Variants in SLC8A1 observed in about 807,000 individuals in gnomAD.
SLC8A1 encodes solute carrier family 8 member A1, also known as sodium/calcium exchanger 1.
A neutral mutation model predicts 68.3 loss-of-function variants in SLC8A1; 18 were observed. The observed-to-expected ratio is 0.26, with a 90% CI of 0.18 to 0.39. SLC8A1 has a LOEUF of 0.39. Among genes scored for constraint, SLC8A1 ranks in the 10% least tolerant of loss-of-function variants. The pLI is 1.00. For synonymous variants in SLC8A1, 475 were observed against 415.5 expected (o/e 1.14, Z -1.74); for missense variants, 985 against 1,156.7 (o/e 0.85, Z 2.15).
intron 2 of SLC8A1, among the ~76,000 whole-genome samples, chr2:40,375,855 AGCTGGG>A (rs1310494945): frequency 6.6e-6 from 1 of 152,036 alleles, no homozygotes; most frequent in African/African-American, 2.4e-5. Context: ...TACAAAAATT[AGCTGGG>A]CGCAGTGGTG....
At chr2:40,298,926 A>G (rs1319362832) in intron 2 of SLC8A1, among the ~76,000 whole-genome samples, 1 of 151,990 alleles carries the variant, frequency 6.6e-6, no homozygotes, top group Non-Finnish European at 1.5e-5. Flanking sequence ...CTCCTTGCTG[A>G]CCCCACCCCT....
intron 2 of SLC8A1, among the ~76,000 whole-genome samples, chr2:40,226,789 T>C (rs1324647966): frequency 6.6e-6 from 1 of 152,196 alleles, no homozygotes; most frequent in Non-Finnish European, 1.5e-5. Context: ...TGGTAGCTTT[T>C]AGTATAATCC....
At chr2:40,155,123 A>ATTAT (rs1424765926) in intron 6 of SLC8A1, among the ~76,000 whole-genome samples, 1 of 114,582 alleles carries the variant, frequency 8.7e-6, no homozygotes, top group Non-Finnish European at 1.8e-5. Context: ...ACACAGCAGA[A>ATTAT]TTATTATTAT....
chr2:40,396,545 C>T lies in SLC8A1; in HGVS notation c.1808+31928G>A, dbSNP rs147895748. On this transcript the variant is annotated intron_variant, in intron 2 of 7. Coordinates refer to ENST00000406785, the Ensembl canonical transcript of SLC8A1. ...AACAAGACTGCATCAAAGCATAACA[C>T]GCAACACAACACTTTTTCAATTATG... Among the ~76,000 whole-genome samples, 10 of 151,858 alleles carry T rather than the reference C, an allele frequency of 6.6e-5. No homozygotes were observed. In the East Asian group the frequency reaches 9.7e-4, roughly 15 times the overall value.
chr2:40,165,046 TCCTGCC>T, intron 4 of SLC8A1, 62 bp from the exon 8 acceptor site: 2 of 1,602,138 alleles, frequency 1.2e-6, no homozygotes, highest in Non-Finnish European at 1.7e-6. Context: ...AATCCCTGGA[TCCTGCC>T]ATAAGAAAGC....
chr2:40,367,249 G>T, intron 2 of SLC8A1, among the ~76,000 whole-genome samples: 1 of 151,882 alleles, frequency 6.6e-6, no homozygotes, highest in Non-Finnish European at 1.5e-5. Context: ...GCTTCCATTT[G>T]TCTCCTAGAC....
intron 2 of SLC8A1, among the ~76,000 whole-genome samples, chr2:40,364,020 T>C (rs113097563): frequency 3.3e-5 from 5 of 152,084 alleles, no homozygotes; most frequent in African/African-American, 1.2e-4. Context: ...TGGATGTTTT[T>C]TCACCATGTT....
At chr2:40,313,257 T>C (rs573282974) in intron 2 of SLC8A1, among the ~76,000 whole-genome samples, 6 of 152,230 alleles carry the variant, frequency 3.9e-5, no homozygotes, top group Admixed American at 3.3e-4. Flanking sequence ...GTCATCCATG[T>C]TGTGTGATAT....
chr2:40,314,229 T>C (rs1293647908), intron 2 of SLC8A1, among the ~76,000 whole-genome samples: 7 of 152,068 alleles, frequency 4.6e-5, no homozygotes, highest in Admixed American at 1.3e-4. Context: ...ATATACAATA[T>C]TTCGGGAAGC....
At chr2:40,481,432 T>C (rs1209521880) in intron 1 of SLC8A1, among the ~76,000 whole-genome samples, 2 of 152,230 alleles carry the variant, frequency 1.3e-5, no homozygotes, top group East Asian at 3.9e-4. Flanking sequence ...TTATTTAGTC[T>C]GCTTGATCTT....
intron 7 of SLC8A1, among the ~76,000 whole-genome samples, chr2:40,121,782 C>T (rs1304744137): frequency 2.6e-5 from 4 of 152,126 alleles, no homozygotes; most frequent in Non-Finnish European, 5.9e-5. Context: ...TGACTATTGC[C>T]AATGATTCTA....
intron 1 of SLC8A1, among the ~76,000 whole-genome samples, chr2:40,481,581 G>A (rs901391327): frequency 3.3e-5 from 5 of 152,110 alleles, no homozygotes; most frequent in Non-Finnish European, 7.3e-5. Context: ...ACCATAGTTC[G>A]ATCTGGCTAA....
At chr2:40,312,332 C>A (rs764570657) in intron 2 of SLC8A1, among the ~76,000 whole-genome samples, 1 of 152,044 alleles carries the variant, frequency 6.6e-6, no homozygotes. Flanking sequence ...CCAGGGTCAT[C>A]GTGATGCGCA....
chr2:40,184,485 G>C (rs897557001), intron 2 of SLC8A1, among the ~76,000 whole-genome samples: 1 of 152,070 alleles, frequency 6.6e-6, no homozygotes, highest in African/African-American at 2.4e-5. Flanking sequence ...TAATAGTATA[G>C]GTGAGAAAAC....
intron 2 of SLC8A1, among the ~76,000 whole-genome samples, chr2:40,185,503 T>C (rs2050534167): frequency 6.6e-6 from 1 of 152,094 alleles, no homozygotes; most frequent in Non-Finnish European, 1.5e-5. Flanking sequence ...TGGCTACATG[T>C]TGTGTGATTA....
intron 2 of SLC8A1, among the ~76,000 whole-genome samples, chr2:40,283,737 C>T (rs2149198157): frequency 6.6e-6 from 1 of 152,294 alleles, no homozygotes; most frequent in South Asian, 2.1e-4. Context: ...ACAACTCATT[C>T]TCTAGAAGAA....
chr2:40,262,822 G>C (rs1010953247), intron 2 of SLC8A1, among the ~76,000 whole-genome samples: 6 of 152,108 alleles, frequency 3.9e-5, no homozygotes, highest in African/African-American at 1.2e-4. Flanking sequence ...ATATGAGAGA[G>C]TTGCTAAAAT....
At chr2:40,156,913 T>G (rs899763172) in intron 6 of SLC8A1, among the ~76,000 whole-genome samples, 4 of 152,192 alleles carry the variant, frequency 2.6e-5, no homozygotes, top group Admixed American at 1.3e-4. Flanking sequence ...TCAGGCCTCA[T>G]GCACAGCAAG....
intron 7 of SLC8A1, among the ~76,000 whole-genome samples, chr2:40,135,177 C>T (rs2040254326): frequency 6.6e-6 from 1 of 152,202 alleles, no homozygotes; most frequent in African/African-American, 2.4e-5. Context: ...GGCCAAATCA[C>T]ATTGGTCTTG....
Sources: allele counts gnomAD v4.1 joint callset (sites outside exome capture counted in the v4.1 genomes callset), GRCh38; gene constraint gnomAD v4.1.1; transcripts MANE v1.5; gene names NCBI Gene and HGNC (gene_info 2026-07-23, HGNC 2026-07-21).